The following STAG2 variants were observed in gnomAD, a reference collection of about 807,000 sequenced individuals.
STAG2 encodes the protein cohesin subunit SA-2.
A neutral mutation model predicts 108.1 loss-of-function variants in STAG2; 14 were observed. The observed-to-expected ratio is 0.13, with a 90% confidence interval of 0.09 to 0.20. The LOEUF (loss-of-function observed/expected upper bound fraction) is 0.20, where lower values mean the gene tolerates loss of function less well. Ranked by LOEUF, STAG2 falls within the 10% of genes least tolerant of loss-of-function variation. STAG2 has a pLI of 1.00. For missense variants in STAG2, 440 were observed against 940.9 expected, an observed-to-expected ratio of 0.47 and a Z score of 6.96; for synonymous variants, 307 against 302.7, an observed-to-expected ratio of 1.01 and a Z score of -0.15.
intron 1 of STAG2, among the ~76,000 whole-genome samples, chrX:123,983,259 C>T (rs16998447): frequency 0.054 from 5,828 of 107,444 alleles, 214 homozygotes; most frequent in African/African-American, 0.13. Flanking sequence ...TTAGATGTAT[C>T]TACTTTTTTT....
chrX:124,013,636 A>G (rs2056601013), intron 1 of STAG2, among the ~76,000 whole-genome samples: 1 of 111,646 alleles, frequency 9.0e-6, no homozygotes, highest in Non-Finnish European at 1.9e-5. Context: ...CAACTATAAT[A>G]TGGTATCCAG....
chrX:124,028,985 T>TA (rs2057224096), intron 4 of STAG2, among the ~76,000 whole-genome samples: 1 of 64,025 alleles, frequency 1.6e-5, no homozygotes, highest in African/African-American at 6.8e-5. Flanking sequence ...TTATTTTTAT[T>TA]TATATATATA....
At chrX:123,998,605 T>G (rs771303358) in intron 1 of STAG2, among the ~76,000 whole-genome samples, 1 of 106,396 alleles carries the variant, frequency 9.4e-6, no homozygotes, top group African/African-American at 3.5e-5. Context: ...TATCTATCTA[T>G]CTATCTATCT....
intron 1 of STAG2, among the ~76,000 whole-genome samples, chrX:124,019,402 G>A (rs747821329): frequency 1.8e-5 from 2 of 110,543 alleles, no homozygotes; most frequent in African/African-American, 3.3e-5. Context: ...GTACCTTCTC[G>A]TAGAAATAAT....
intron 24 of STAG2, 63 bp downstream of exon 24, chrX:124,068,719 T>C: frequency 2.5e-6 from 2 of 793,292 alleles, no homozygotes; most frequent in Non-Finnish European, 3.6e-6. Context: ...TGAACTAATG[T>C]AGAAAGTTTA....
rs760748344 is a variant in STAG2 at position 124,100,614 on chromosome X, A to C, written c.*17A>C. The C allele has an allele frequency of 1.1e-4, 130 of 1,168,012 alleles. No individual in the cohort carries two copies. Among genetic ancestry groups the C allele is most frequent in the Non-Finnish European group, 1.5e-4 (127 of 859,648 alleles). ...ATGTTTTAATACCAGTACACAATTA[A>C]ATCTGTGGTGAAGTCATTTTCTAAG... On this transcript the variant is annotated 3_prime_UTR_variant, in exon 35 of 35. Transcript: ENST00000371145.
At chrX:124,057,245 A>C (rs113516499) in intron 14 of STAG2, among the ~76,000 whole-genome samples, 9 of 112,176 alleles carry the variant, frequency 8.0e-5, no homozygotes, top group African/African-American at 2.9e-4. Flanking sequence ...AATGGCTTTC[A>C]AAGAGACTCT....
chrX:124,082,301 T>C (rs2058981859), intron 28 of STAG2, among the ~76,000 whole-genome samples: 1 of 111,890 alleles, frequency 8.9e-6, no homozygotes, highest in African/African-American at 3.2e-5. Context: ...GAAGTCGTTT[T>C]ATTTTATACT....
At chrX:123,976,213 G>A (rs1212259021) in intron 1 of STAG2, among the ~76,000 whole-genome samples, 1 of 111,958 alleles carries the variant, frequency 8.9e-6, no homozygotes, top group Non-Finnish European at 1.9e-5. Flanking sequence ...GGTTGAGGCT[G>A]CAGTGAGCCA....
intron 5 of STAG2, among the ~76,000 whole-genome samples, chrX:124,034,933 G>T (rs1348746761): frequency 9.3e-6 from 1 of 107,894 alleles, no homozygotes; most frequent in Non-Finnish European, 1.9e-5. Context: ...ATCTCACTCT[G>T]TCACCCAGGC....
At chrX:124,095,720 A>G (rs1487222108) in intron 34 of STAG2, among the ~76,000 whole-genome samples, 2 of 111,290 alleles carry the variant, frequency 1.8e-5, no homozygotes, top group Admixed American at 9.6e-5. Context: ...CTGTTCTTCA[A>G]TGGGTTGCCC....
intron 30 of STAG2, among the ~76,000 whole-genome samples, chrX:124,087,637 T>A (rs917717214): frequency 3.6e-5 from 4 of 111,986 alleles, no homozygotes; most frequent in Non-Finnish European, 5.6e-5. Flanking sequence ...AGACCAGAAG[T>A]GGAAGGTGCC....
At chrX:124,005,424 C>G (rs1262322805) in intron 1 of STAG2, among the ~76,000 whole-genome samples, 1 of 111,637 alleles carries the variant, frequency 9.0e-6, no homozygotes, top group Admixed American at 9.6e-5. Flanking sequence ...TCACAGATAT[C>G]CCTCACACTA....
intron 6 of STAG2, among the ~76,000 whole-genome samples, chrX:124,041,241 G>A (rs188241435): frequency 1.6e-3 from 175 of 106,311 alleles, no homozygotes; most frequent in African/African-American, 5.7e-3. Flanking sequence ...TTTAAGTTGC[G>A]GTAAGTAAGG....
At chrX:124,031,705 A>G (rs1384984602) in intron 5 of STAG2, among the ~76,000 whole-genome samples, 11 of 106,210 alleles carry the variant, frequency 1.0e-4, no homozygotes, top group Middle Eastern at 0.01. Flanking sequence ...GGCGGAAGCC[A>G]CCATGCCCAG....
intron 1 of STAG2, among the ~76,000 whole-genome samples, chrX:123,974,111 A>AT (rs1317765023): frequency 1.8e-5 from 2 of 111,735 alleles, no homozygotes; most frequent in Non-Finnish European, 3.8e-5. Context: ...TCAGGGAAAA[A>AT]TAACAACTGA....
chrX:124,072,607 G>A (rs898326283), intron 25 of STAG2, among the ~76,000 whole-genome samples: 3 of 110,728 alleles, frequency 2.7e-5, no homozygotes, highest in South Asian at 7.7e-4. Context: ...TAGATGGTAT[G>A]GATATGAAAA....
At chrX:124,041,097 C>T (rs766121298) in intron 6 of STAG2, among the ~76,000 whole-genome samples, 2 of 109,329 alleles carry the variant, frequency 1.8e-5, no homozygotes, top group Non-Finnish European at 3.8e-5. Flanking sequence ...GTGACTCGCC[C>T]GCCTCAGCCT....
intron 1 of STAG2, among the ~76,000 whole-genome samples, chrX:124,005,467 C>T (rs1468738817): frequency 9.0e-6 from 1 of 111,413 alleles, no homozygotes. Context: ...CCCACCCCTT[C>T]TCTCCTTCCT....
Sources: gnomAD v4.1 joint callset for allele counts (sites outside exome capture counted in the v4.1 genomes callset) on GRCh38, gnomAD v4.1.1 for gene constraint, MANE v1.5 for transcripts, NCBI Gene and HGNC (gene_info 2026-07-23, HGNC 2026-07-21) for gene names.